Variants in SLC39A11 observed in about 807,000 individuals in gnomAD.
SLC39A11 encodes zinc transporter ZIP11.
In SLC39A11, 33 loss-of-function variants were observed where a neutral mutation model predicts 36.1. That is an observed-to-expected ratio of 0.91 (90% confidence interval 0.69 to 1.22). The LOEUF is 1.22. Ranked by LOEUF, SLC39A11 falls within the 50% of genes most tolerant of loss-of-function variation. SLC39A11 has a pLI of 0.00. For missense variants in SLC39A11, 432 were observed against 430.3 expected (o/e 1.00, Z -0.03); for synonymous variants, 166 against 170.3 (o/e 0.97, Z 0.20).
chr17:72,706,478 C>A (rs2072899515), intron 7 of SLC39A11, among the ~76,000 whole-genome samples: 1 of 152,148 alleles, frequency 6.6e-6, no homozygotes, highest in Non-Finnish European at 1.5e-5. Flanking sequence ...CTAAAGAATT[C>A]TCAATTCTCA....
chr17:72,722,544 G>T (rs2073733100), intron 7 of SLC39A11, among the ~76,000 whole-genome samples: 1 of 151,722 alleles, frequency 6.6e-6, no homozygotes, highest in Non-Finnish European at 1.5e-5. Flanking sequence ...GTCTTTGGAA[G>T]GTCTTTGGTC....
At chr17:72,705,154 GA>G (rs951204214) in intron 7 of SLC39A11, among the ~76,000 whole-genome samples, 3 of 152,170 alleles carry the variant, frequency 2.0e-5, no homozygotes, top group African/African-American at 7.2e-5. Context: ...AGGACAATAT[GA>G]ATTGTGTTTC....
At chr17:72,946,814 G>A (rs375305109) in intron 5 of SLC39A11, among the ~76,000 whole-genome samples, 9 of 152,130 alleles carry the variant, frequency 5.9e-5, no homozygotes, top group African/African-American at 1.4e-4. Context: ...AAGGAGAGGC[G>A]TCTGACCCCG....
In SLC39A11 at chr17:72,770,948, G is replaced by A. The variant is rs75186271; in HGVS notation, c.602-34229C>T. 7.4e-3 allele frequency among the ~76,000 whole-genome samples: 1,130 copies of A among 152,104 alleles called. 6 individuals are homozygous for A. Among genetic ancestry groups the A allele is most frequent in the African/African-American group, 0.018 (736 of 41,486 alleles). On this transcript the variant is annotated intron_variant, in intron 6 of 9. Coordinates refer to ENST00000255559, the MANE Select transcript of SLC39A11 (RefSeq NM_139177.4). ...TCCACATTCTGCACACGAGTAAACCGTAGGAGGTTATTCTAGGACACACTT... is the reference window on the plus strand; with the variant it reads ...TCCACATTCTGCACACGAGTAAACCATAGGAGGTTATTCTAGGACACACTT...
chr17:72,653,110 C>CT (rs72059767), intron 7 of SLC39A11, among the ~76,000 whole-genome samples: 87,031 of 142,508 alleles, frequency 0.61, 26,599 homozygotes, highest in East Asian at 0.71. Context: ...CTTTTTTTTT[C>CT]TTTTTTTTTT....
chr17:72,857,074 G>A (rs1440291561), intron 5 of SLC39A11, among the ~76,000 whole-genome samples: 1 of 152,112 alleles, frequency 6.6e-6, no homozygotes, highest in Admixed American at 6.5e-5. Flanking sequence ...AAATTATTTT[G>A]TCACCTAGGT....
chr17:72,819,336 C>T lies in SLC39A11; in HGVS notation c.601+30298G>A, dbSNP rs1014253138. 4.6e-5 allele frequency among the ~76,000 whole-genome samples: 7 copies of T among 151,322 alleles called. 1 individual carries two copies. The highest frequency in any genetic ancestry group is 1.0e-4 in the Non-Finnish European group (7 of 67,526). ...GGAGACAGCCCTGGAACAGATCCTT[C>T]CCTCAGAGCCCTCAGAAGGAAGCAG... On this transcript the variant is annotated intron_variant, in intron 6 of 9. Coordinates refer to ENST00000255559, the MANE Select transcript of SLC39A11 (RefSeq NM_139177.4).
chr17:72,854,649 A>G (rs772272947), intron 5 of SLC39A11, among the ~76,000 whole-genome samples: 13 of 152,198 alleles, frequency 8.5e-5, no homozygotes, highest in Non-Finnish European at 1.6e-4. Context: ...TGTTAGGAAA[A>G]AAAAGTTGCC....
At chr17:72,762,642 G>A (rs560178373) in intron 6 of SLC39A11, among the ~76,000 whole-genome samples, 13 of 152,110 alleles carry the variant, frequency 8.5e-5, no homozygotes, top group African/African-American at 2.7e-4. Context: ...TCTGTGACTC[G>A]CCCTGAATTC....
chr17:72,768,120 T>C (rs2075817042), intron 6 of SLC39A11, among the ~76,000 whole-genome samples: 1 of 152,034 alleles, frequency 6.6e-6, no homozygotes, highest in Admixed American at 6.5e-5. Flanking sequence ...GCTATGGGTT[T>C]CAGACATGCA....
chr17:72,833,828 C>T (rs2078393266), intron 6 of SLC39A11, among the ~76,000 whole-genome samples: 1 of 152,168 alleles, frequency 6.6e-6, no homozygotes, highest in African/African-American at 2.4e-5. Flanking sequence ...CCCGGCACAA[C>T]TCGCAACCCA....
At chr17:72,677,444 C>G (rs1287843633) in intron 7 of SLC39A11, among the ~76,000 whole-genome samples, 2 of 152,166 alleles carry the variant, frequency 1.3e-5, no homozygotes, top group African/African-American at 4.8e-5. Flanking sequence ...ATTCTGAGAA[C>G]CCAGATCTCC....
chr17:73,031,293 A>T (rs1325390574), intron 4 of SLC39A11, among the ~76,000 whole-genome samples: 1 of 133,736 alleles, frequency 7.5e-6, no homozygotes, highest in Non-Finnish European at 1.5e-5. Context: ...GCCACCCAGC[A>T]CATCAGCTGT....
At chr17:72,676,258 AC>A (rs1394147303) in intron 7 of SLC39A11, among the ~76,000 whole-genome samples, 6 of 152,166 alleles carry the variant, frequency 3.9e-5, no homozygotes, top group Admixed American at 2.0e-4. Flanking sequence ...TGTGATGGAA[AC>A]CTAGACACTG....
intron 6 of SLC39A11, among the ~76,000 whole-genome samples, chr17:72,834,275 T>C (rs879458289): frequency 2.0e-4 from 31 of 152,152 alleles, no homozygotes; most frequent in Non-Finnish European, 3.8e-4. Flanking sequence ...CTCATGTAAA[T>C]TTAGAGAACT....
At chr17:73,090,059 G>C (rs2060874950) in intron 1 of SLC39A11, among the ~76,000 whole-genome samples, 1 of 152,164 alleles carries the variant, frequency 6.6e-6, no homozygotes, top group African/African-American at 2.4e-5. Flanking sequence ...CCAGAGGGCT[G>C]GCTGGACACA....
At chr17:72,804,239 T>C (rs1415432839) in intron 6 of SLC39A11, among the ~76,000 whole-genome samples, 2 of 152,108 alleles carry the variant, frequency 1.3e-5, no homozygotes, top group Non-Finnish European at 2.9e-5. Context: ...GCATTTTTAT[T>C]CCAAGTCCCC....
At chr17:72,689,947 A>G (rs1250727169) in intron 7 of SLC39A11, among the ~76,000 whole-genome samples, 2 of 152,186 alleles carry the variant, frequency 1.3e-5, no homozygotes, top group African/African-American at 4.8e-5. Context: ...CATTATGAAA[A>G]TTTCCAAAGT....
At chr17:72,662,628 G>GAAGAAAGAGAGAAAGAAAGA (rs71152200) in intron 7 of SLC39A11, among the ~76,000 whole-genome samples, 3 of 122,814 alleles carry the variant, frequency 2.4e-5, no homozygotes, top group African/African-American at 9.6e-5. Context: ...AGAAGAAAGA[G>GAAGAAAGAGAGAAAGAAAGA]AAGAAAGAGA....
Sources: gnomAD v4.1 joint callset for allele counts (sites outside exome capture counted in the v4.1 genomes callset) on GRCh38, gnomAD v4.1.1 for gene constraint, MANE v1.5 for transcripts, NCBI Gene and HGNC (gene_info 2026-07-23, HGNC 2026-07-21) for gene names.